TNFRSF21: variants seen among roughly 807,000 people sequenced by gnomAD.
TNFRSF21 encodes TNF receptor superfamily member 21.
In TNFRSF21, 19 loss-of-function variants were observed where a neutral mutation model predicts 45.6. The ratio of observed to expected loss-of-function variants is 0.42; its 90% CI spans 0.29 to 0.61. TNFRSF21 has a LOEUF of 0.61. Ranked by LOEUF, TNFRSF21 falls within the 20% of genes least tolerant of loss-of-function variation. TNFRSF21 has a pLI of 0.23. For synonymous variants in TNFRSF21, 314 were observed against 335.5 expected, an observed-to-expected ratio of 0.94 and a Z score of 0.70; for missense variants, 737 against 851.5, an observed-to-expected ratio of 0.87 and a Z score of 1.67.
intron 1 of TNFRSF21, among the ~76,000 whole-genome samples, chr6:47,291,023 G>A (rs1274485752): frequency 1.3e-5 from 2 of 152,180 alleles, no homozygotes; most frequent in Non-Finnish European, 2.9e-5. Flanking sequence ...CCTATGAGAG[G>A]GAATTGAACA....
intron 4 of TNFRSF21, among the ~76,000 whole-genome samples, chr6:47,241,822 T>C (rs1043484024): frequency 6.6e-6 from 1 of 152,180 alleles, no homozygotes. Context: ...CTTCTAATTG[T>C]TGAGTTAAAA....
rs1290696783 is a variant in TNFRSF21, at chr6:47,253,365, G to A, written c.1400C>T (p.Thr467Ile). ...ERAYAALQHWTIRGPEASLAQ... is the reference protein window; with the variant it reads ...ERAYAALQHWIIRGPEASLAQ... ...GAGGCTGGCCTCGGGGCCCCGGATG[G>A]TCCAGTGCTGCAGAGCTGCGTAGGC... Residue 467 changes from threonine to isoleucine, a missense_variant, in exon 4 of 6, where the codon ACC becomes ATC. By Grantham distance (89) the Thr-to-Ile change is moderately conservative. Coordinates refer to ENST00000296861, the MANE Select transcript of TNFRSF21 (RefSeq NM_014452.5). The A allele has an allele frequency of 6.2e-7, 1 of 1,614,128 alleles. No individual in the cohort carries two copies.
chr6:47,272,154 A>G (rs1046235529), intron 3 of TNFRSF21, among the ~76,000 whole-genome samples: 3 of 152,194 alleles, frequency 2.0e-5, no homozygotes, highest in African/African-American at 7.2e-5. Flanking sequence ...TCAGCTCTAC[A>G]ACAAGCAGAC....
Position 47,232,766 on chromosome 6 carries a change from T to A in TNFRSF21, c.1967A>T (p.Ter656LeuextTer13). 6.2e-7 allele frequency: 1 copy of A among 1,613,892 alleles called. No homozygotes were observed. Among genetic ancestry groups the A allele is most frequent in the Non-Finnish European group, 8.5e-7 (1 of 1,179,840 alleles). Residue 656 changes from the stop codon to leucine, a stop_lost, in exon 6 of 6, where the codon TAG (stop) becomes TTG (leucine). Coordinates refer to ENST00000296861, the MANE Select transcript of TNFRSF21 (RefSeq NM_014452.5). ...TCCAGAATGCAGTATCCCTATGTTCTACAGCAGGTCAGGAAGATGGCTATA... is the reference window on the plus strand; with the variant it reads ...TCCAGAATGCAGTATCCCTATGTTCAACAGCAGGTCAGGAAGATGGCTATA... ...SVYSHLPDLL* is the reference protein window; with the variant it reads ...SVYSHLPDLLL
chr6:47,235,650 G>C (rs1582311641), intron 4 of TNFRSF21, among the ~76,000 whole-genome samples: 1 of 152,322 alleles, frequency 6.6e-6, no homozygotes, highest in South Asian at 2.1e-4. Context: ...GAGAAGTGAA[G>C]TGACTTTCTT....
intron 3 of TNFRSF21, among the ~76,000 whole-genome samples, chr6:47,266,326 G>C (rs1582333455): frequency 6.6e-6 from 1 of 152,130 alleles, no homozygotes; most frequent in South Asian, 2.1e-4. Flanking sequence ...TAAGCCTGTT[G>C]TTGGGATTCA....
chr6:47,268,979 A>G (rs2113856940), intron 3 of TNFRSF21, among the ~76,000 whole-genome samples: 1 of 152,316 alleles, frequency 6.6e-6, no homozygotes, highest in Middle Eastern at 3.4e-3. Context: ...CTCTGTACTG[A>G]GCAGAAGAAC....
At chr6:47,269,259 A>G (rs924351258) in intron 3 of TNFRSF21, among the ~76,000 whole-genome samples, 1 of 152,000 alleles carries the variant, frequency 6.6e-6, no homozygotes, top group African/African-American at 2.4e-5. Flanking sequence ...ACACACACAT[A>G]CACACATTGC....
At position 47,232,291 on chromosome 6, in the gene TNFRSF21, G is replaced by T. The variant is rs899277550; in HGVS notation, c.*474C>A. On this transcript the variant is annotated 3_prime_UTR_variant, in exon 6 of 6. Coordinates refer to ENST00000296861, the MANE Select transcript of TNFRSF21 (RefSeq NM_014452.5). ...AATAATATTTGTTTTTAAAAAGTAG[G>T]TGTGAATGTTAAGAGACATAAAGAC... 1 of 152,514 alleles carries T rather than the reference G, an allele frequency of 6.6e-6. No homozygotes were observed. The highest frequency in any genetic ancestry group is 1.5e-5 in the Non-Finnish European group (1 of 68,206). 9.4% of individuals were successfully genotyped at this position (152,514 alleles called of 1,614,324 possible).
chr6:47,234,999 A>T (rs1013361936), intron 4 of TNFRSF21, 101 bp from the exon 5 acceptor site: 7 of 598,702 alleles, frequency 1.2e-5, no homozygotes, highest in South Asian at 4.1e-5. Context: ...TTAACATTTT[A>T]TATATACATC....
chr6:47,285,775 T>A (rs9473054), intron 2 of TNFRSF21, among the ~76,000 whole-genome samples, 169 bp downstream of exon 2: 18,308 of 152,218 alleles, frequency 0.12, 3,665 homozygotes, highest in African/African-American at 0.41. Flanking sequence ...CATGTTTCTA[T>A]TAAGTCCAAA....
chr6:47,302,924 C>CA (rs1344429139), intron 1 of TNFRSF21, among the ~76,000 whole-genome samples: 1 of 152,210 alleles, frequency 6.6e-6, no homozygotes, highest in East Asian at 1.9e-4. Context: ...AATGCTACTA[C>CA]CTCAAAGACT....
intron 2 of TNFRSF21, among the ~76,000 whole-genome samples, chr6:47,284,784 C>T (rs987773049): frequency 6.6e-6 from 1 of 152,166 alleles, no homozygotes; most frequent in East Asian, 1.9e-4. Context: ...TTCAGAGAAC[C>T]AGTTCAAATT....
chr6:47,237,415 A>G (rs1764677474), intron 4 of TNFRSF21, among the ~76,000 whole-genome samples: 3 of 152,230 alleles, frequency 2.0e-5, no homozygotes. Context: ...TCTAATCAGA[A>G]CAGTGAGTCA....
chr6:47,269,698 G>A (rs760663125), intron 3 of TNFRSF21, among the ~76,000 whole-genome samples: 6 of 152,184 alleles, frequency 3.9e-5, no homozygotes, highest in Non-Finnish European at 8.8e-5. Flanking sequence ...CCAAACAGCA[G>A]AACAAAGAGG....
chr6:47,287,308 A>AG (rs1491347041), intron 1 of TNFRSF21, among the ~76,000 whole-genome samples: 184 of 88,880 alleles, frequency 2.1e-3, no homozygotes, highest in Non-Finnish European at 3.1e-3. Context: ...ACTCTTTCTC[A>AG]AAAAAAAAAA....
intron 3 of TNFRSF21, among the ~76,000 whole-genome samples, chr6:47,266,511 A>C (rs1762334798): frequency 6.6e-6 from 1 of 152,154 alleles, no homozygotes; most frequent in Admixed American, 6.5e-5. Context: ...CTAAAATATA[A>C]CTTAGTTCAA....
intron 5 of TNFRSF21, among the ~76,000 whole-genome samples, chr6:47,233,391 T>C (rs1764615621): frequency 6.6e-6 from 1 of 152,198 alleles, no homozygotes; most frequent in African/African-American, 2.4e-5. Flanking sequence ...TTTACTGCTT[T>C]CCCTATCTGA....
chr6:47,287,070 G>A (rs533249236), intron 1 of TNFRSF21, among the ~76,000 whole-genome samples: 2 of 152,056 alleles, frequency 1.3e-5, no homozygotes, highest in East Asian at 3.9e-4. Flanking sequence ...CATTTTTAGA[G>A]GCTAAGGCAC....
Sources: allele counts gnomAD v4.1 joint callset (sites outside exome capture counted in the v4.1 genomes callset), GRCh38; gene constraint gnomAD v4.1.1; transcripts MANE v1.5; gene names NCBI Gene and HGNC (gene_info 2026-07-23, HGNC 2026-07-21).